Variants in SUPT3H observed in about 807,000 individuals in gnomAD.
The protein encoded by SUPT3H is transcription initiation protein SPT3 homolog.
Under a neutral mutation model 44.3 loss-of-function variants are expected in SUPT3H, and 44 were observed. The observed-to-expected ratio is 0.99, with a 90% confidence interval of 0.78 to 1.28. The LOEUF (loss-of-function observed/expected upper bound fraction) is 1.28. Ranked by LOEUF, SUPT3H falls within the 50% of genes most tolerant of loss-of-function variation. The pLI, the probability that SUPT3H is intolerant of heterozygous loss-of-function variation, is 0.00. For missense variants in SUPT3H, 380 were observed against 387.1 expected (o/e 0.98, Z 0.15); for synonymous variants, 124 against 125.6 (o/e 0.99, Z 0.09).
In SUPT3H at chr6:44,920,264, T is replaced by C. The variant is rs1255105143; in HGVS notation, c.912+12389A>G. Among the ~76,000 whole-genome samples, 10 of 152,174 alleles carry C rather than the reference T, an allele frequency of 6.6e-5. No homozygotes were observed. The East Asian group carries it at 1.5e-3, about 24-fold the overall frequency. ...ATCTGAAATAGCTCCTTAATGACTA[T>C]GTCTGTTGTTTAAAAGAAAATTTCC... is the stretch of plus-strand genomic sequence containing the variant. On this transcript the variant is annotated intron_variant, in intron 10 of 10. Transcript: ENST00000371459.
downstream of SUPT3H, among the ~76,000 whole-genome samples, chr6:44,824,508 G>GAAA (rs1767595298): frequency 6.6e-6 from 1 of 152,046 alleles, no homozygotes; most frequent in Non-Finnish European, 1.5e-5. Flanking sequence ...AAAAAATTCA[G>GAAA]AAAAGAAAGT....
intron 2 of SUPT3H, among the ~76,000 whole-genome samples, chr6:45,308,318 G>A (rs1238650297): frequency 6.6e-6 from 1 of 152,136 alleles, no homozygotes; most frequent in Non-Finnish European, 1.5e-5. Flanking sequence ...AAGTTGAAAT[G>A]AAGGAAAAAA....
intron 9 of SUPT3H, among the ~76,000 whole-genome samples, chr6:44,949,502 TAACA>T (rs1415915397): frequency 6.6e-6 from 1 of 151,704 alleles, no homozygotes; most frequent in African/African-American, 2.4e-5. Context: ...ATTTCTCAGC[TAACA>T]AACTGAGAGA....
intron 2 of SUPT3H, among the ~76,000 whole-genome samples, chr6:45,255,430 T>TTC (rs1290950028): frequency 1.3e-5 from 2 of 150,376 alleles, no homozygotes; most frequent in African/African-American, 4.9e-5. Flanking sequence ...TTTTTTTTTT[T>TTC]TTTTTTTCAG....
intron 2 of SUPT3H, among the ~76,000 whole-genome samples, chr6:45,306,404 C>T (rs967601753): frequency 6.6e-6 from 1 of 152,162 alleles, no homozygotes; most frequent in Admixed American, 6.5e-5. Context: ...AGCATCCCTC[C>T]AATCTTGGTC....
intron 6 of SUPT3H, among the ~76,000 whole-genome samples, chr6:44,963,555 T>C (rs1487006458): frequency 6.6e-6 from 1 of 152,174 alleles, no homozygotes; most frequent in Non-Finnish European, 1.5e-5. Context: ...TGGGTTAATT[T>C]TTATTTACTT....
chr6:44,859,985 A>G (rs1220578415), intron 10 of SUPT3H, among the ~76,000 whole-genome samples: 1 of 152,214 alleles, frequency 6.6e-6, no homozygotes. Context: ...AGAATGGGGA[A>G]TTCAGAAATG....
intron 2 of SUPT3H, among the ~76,000 whole-genome samples, chr6:45,289,256 T>TA (rs983482924): frequency 6.6e-6 from 1 of 151,908 alleles, no homozygotes; most frequent in Non-Finnish European, 1.5e-5. Flanking sequence ...ATCCCTACCA[T>TA]AAAAAAATCC....
At chr6:45,250,493 G>T (rs1411672567) in intron 2 of SUPT3H, among the ~76,000 whole-genome samples, 1 of 151,718 alleles carries the variant, frequency 6.6e-6, no homozygotes, top group Non-Finnish European at 1.5e-5. Flanking sequence ...CTCCTAGAAA[G>T]TAAAACAAAA....
intron 6 of SUPT3H, among the ~76,000 whole-genome samples, chr6:44,979,493 T>A (rs183162074): frequency 1.3e-5 from 2 of 152,242 alleles, no homozygotes; most frequent in Admixed American, 1.3e-4. Flanking sequence ...ATACAAAAAG[T>A]AAACTCAGTT....
intron 2 of SUPT3H, among the ~76,000 whole-genome samples, chr6:45,155,665 A>G (rs1807700182): frequency 6.6e-6 from 1 of 152,222 alleles, no homozygotes; most frequent in African/African-American, 2.4e-5. Context: ...AGAGAGCATG[A>G]AGGATGGGGA....
At chr6:45,089,450 T>C (rs1035277546) in intron 3 of SUPT3H, among the ~76,000 whole-genome samples, 2 of 152,006 alleles carry the variant, frequency 1.3e-5, no homozygotes, top group African/African-American at 4.8e-5. Flanking sequence ...TGAAATGCCA[T>C]TCGCCTTATT....
intron 10 of SUPT3H, among the ~76,000 whole-genome samples, chr6:44,864,322 T>G (rs1284016861): frequency 6.6e-6 from 1 of 152,312 alleles, no homozygotes; most frequent in Non-Finnish European, 1.5e-5. Context: ...GGCCCCATGG[T>G]GCAAGCTGTC....
intron 2 of SUPT3H, among the ~76,000 whole-genome samples, chr6:45,213,296 T>A (rs1454369231): frequency 6.6e-6 from 1 of 152,054 alleles, no homozygotes; most frequent in Non-Finnish European, 1.5e-5. Context: ...ATAAAACATA[T>A]AACAAACATG....
At chr6:44,868,125 C>T (rs896016275) in intron 10 of SUPT3H, among the ~76,000 whole-genome samples, 3 of 152,256 alleles carry the variant, frequency 2.0e-5, no homozygotes, top group East Asian at 1.9e-4. Context: ...ATGTGTATTT[C>T]AAAGGAAATC....
At chr6:44,931,393 T>C (rs1393724936) in intron 10 of SUPT3H, among the ~76,000 whole-genome samples, 1 of 152,124 alleles carries the variant, frequency 6.6e-6, no homozygotes, top group African/African-American at 2.4e-5. Flanking sequence ...TCACTCTCAG[T>C]TGGTTTTTAA....
chr6:44,989,887 T>C (rs946095692), intron 6 of SUPT3H, among the ~76,000 whole-genome samples: 7 of 152,162 alleles, frequency 4.6e-5, no homozygotes, highest in Non-Finnish European at 7.3e-5. Flanking sequence ...CCTTATATAT[T>C]TTGGGTATTA....
chr6:45,278,065 G>A (rs1417375190), intron 2 of SUPT3H, among the ~76,000 whole-genome samples: 2 of 145,340 alleles, frequency 1.4e-5, no homozygotes, highest in East Asian at 4.5e-4. Context: ...GCATAAGTGG[G>A]AGTTGAACAA....
chr6:45,335,904 C>T (rs1397673462), intron 2 of SUPT3H, among the ~76,000 whole-genome samples: 4 of 151,214 alleles, frequency 2.6e-5, no homozygotes, highest in African/African-American at 9.7e-5. Context: ...CTTGCTACTG[C>T]TCTTATAAGA....
Sources: allele counts gnomAD v4.1 joint callset (sites outside exome capture counted in the v4.1 genomes callset), GRCh38; gene constraint gnomAD v4.1.1; transcripts MANE v1.5; gene names NCBI Gene and HGNC (gene_info 2026-07-23, HGNC 2026-07-21).